Variants in RBBP8 observed in about 807,000 individuals in gnomAD.
The protein encoded by RBBP8 is DNA endonuclease RBBP8.
In RBBP8, 88 loss-of-function variants were observed where a neutral mutation model predicts 108.3. That is an observed-to-expected ratio of 0.81 (90% CI 0.68 to 0.97). RBBP8 has a LOEUF of 0.97. RBBP8 is among the 50% of genes least tolerant of loss of function. The pLI, the probability that RBBP8 is intolerant of heterozygous loss-of-function variation, is 0.00. For missense variants in RBBP8, 1,023 were observed against 1,049.0 expected, an observed-to-expected ratio of 0.98 and a Z score of 0.34; for synonymous variants, 332 against 348.2, an observed-to-expected ratio of 0.95 and a Z score of 0.52.
chr18:22,969,029 T>C, intron 5 of RBBP8, 111 bp downstream of exon 5: 1 of 812,750 alleles, frequency 1.2e-6, no homozygotes, highest in Non-Finnish European at 2.0e-6. Context: ...TTTTCCTTAT[T>C]TAGTAAAAGT....
Position 22,919,753 on chromosome 18 carries a change from T to A in RBBP8, c.-154+2727T>A, listed in dbSNP as rs990145896. 1.2e-4 allele frequency among the ~76,000 whole-genome samples: 19 copies of A among 152,198 alleles called. No individual in the cohort carries two copies. In the South Asian group the frequency reaches 1.7e-3, roughly 13 times the overall value. On this transcript the variant is annotated intron_variant, in intron 3 of 4. Transcript: ENST00000577588. The stretch of plus-strand genomic sequence containing the variant: ...TTTTAGTACAGATGGGATTTCATTA[T>A]GTTGGCCAGGCTGATCTCGAACTCC...
intron 4 of RBBP8, among the ~76,000 whole-genome samples, chr18:22,960,689 C>T (rs907991724): frequency 6.6e-6 from 1 of 152,198 alleles, no homozygotes; most frequent in Non-Finnish European, 1.5e-5. Flanking sequence ...TCTCCTGCCT[C>T]AGCCTCCCAA....
chr18:22,969,529 C>T (rs1353151959), intron 5 of RBBP8, among the ~76,000 whole-genome samples: 2 of 152,112 alleles, frequency 1.3e-5, no homozygotes, highest in Non-Finnish European at 2.9e-5. Flanking sequence ...ATCTTCTTTT[C>T]CAAACTAATT....
chr18:23,003,062 G>A (rs1013618892), intron 15 of RBBP8, among the ~76,000 whole-genome samples: 3 of 152,208 alleles, frequency 2.0e-5, no homozygotes, highest in African/African-American at 4.8e-5. Flanking sequence ...CTTTTCTGAC[G>A]ATGCTGCCTC....
At chr18:22,931,169 T>C (rs1410953913), upstream of RBBP8, among the ~76,000 whole-genome samples, 2 of 152,120 alleles carry the variant, frequency 1.3e-5, no homozygotes, top group African/African-American at 4.8e-5. Context: ...GAGGATCTAG[T>C]AGAAGAGACT....
At chr18:22,977,694 A>G (rs1342897800) in intron 6 of RBBP8, 1 of 152,144 alleles carries the variant, frequency 6.6e-6, no homozygotes, top group Non-Finnish European at 1.5e-5. Context: ...TCCCAAGCCT[A>G]TTTAAATTTA....
chr18:23,026,439 G>C lies in RBBP8; in HGVS notation c.*199G>C, dbSNP rs1327654937. ...GCTTTCATTTTGCACTCTAACTTAA[G>C]AGTTTTTACTTTATGTAGTGATACC... On this transcript the variant is annotated 3_prime_UTR_variant, in exon 19 of 19. Coordinates refer to ENST00000327155, the MANE Select transcript of RBBP8 (RefSeq NM_002894.3). The C allele has an allele frequency of 6.0e-5, 32 of 537,534 alleles. No homozygotes were observed. Among genetic ancestry groups the C allele is most frequent in the Non-Finnish European group, 1.1e-4 (32 of 295,516 alleles). The allele number at this position is 537,534 out of a possible 1,614,324, so 33.3% of individuals were successfully genotyped here.
intron 3 of RBBP8, among the ~76,000 whole-genome samples, chr18:22,918,015 C>A (rs865844948): frequency 3.5e-4 from 45 of 130,154 alleles, no homozygotes; most frequent in South Asian, 2.5e-3. Flanking sequence ...AAAAAAAAAA[C>A]ATATAATGTT....
intron 5 of RBBP8, among the ~76,000 whole-genome samples, chr18:22,972,544 G>A (rs1914189181): frequency 6.6e-6 from 1 of 151,526 alleles, no homozygotes; most frequent in Non-Finnish European, 1.5e-5. Flanking sequence ...CTCCCCAGTA[G>A]CTGGGATTAT....
At chr18:22,971,143 G>C (rs1445084174) in intron 5 of RBBP8, among the ~76,000 whole-genome samples, 1 of 23,538 alleles carries the variant, frequency 4.2e-5, no homozygotes, top group Non-Finnish European at 9.6e-5. Flanking sequence ...TGCCAGGAGA[G>C]TCTTTAAAAA....
chr18:23,005,031 G>A lies in RBBP8; in HGVS notation c.2288-1332G>A, dbSNP rs536288016. Among the ~76,000 whole-genome samples the A allele has an allele frequency of 1.4e-4, 21 of 152,070 alleles. No homozygotes were observed. The East Asian group carries it at 3.7e-3, about 27-fold the overall frequency. On this transcript the variant is annotated intron_variant, in intron 15 of 18. Coordinates refer to ENST00000327155, the MANE Select transcript of RBBP8 (RefSeq NM_002894.3). ...CAAAACATTAGCCGGGTGTGGTGGCGTGCGCCTAGTAGTCCCAGCTACTTG... is the reference window on the plus strand; with the variant it reads ...CAAAACATTAGCCGGGTGTGGTGGCATGCGCCTAGTAGTCCCAGCTACTTG...
At chr18:23,005,455 C>T (rs907991065) in intron 15 of RBBP8, among the ~76,000 whole-genome samples, 7 of 151,936 alleles carry the variant, frequency 4.6e-5, no homozygotes, top group African/African-American at 1.7e-4. Flanking sequence ...GCTCTGTTGC[C>T]AGGCTGGAGT....
At chr18:22,980,665 T>A (rs1166943905) in intron 6 of RBBP8, among the ~76,000 whole-genome samples, 1 of 151,746 alleles carries the variant, frequency 6.6e-6, no homozygotes, top group African/African-American at 2.4e-5. Context: ...TGAGCAGATG[T>A]GACAGGGTTT....
intron 9 of RBBP8, 59 bp from the exon 10 acceptor site, chr18:22,990,878 C>T (rs1915635620): frequency 1.6e-6 from 2 of 1,290,278 alleles, no homozygotes; most frequent in South Asian, 2.4e-5. Context: ...GTACTTCATC[C>T]CTTTTTAAGA....
chr18:22,977,346 T>C lies in RBBP8; in HGVS notation c.428+2127T>C, dbSNP rs531019473. On this transcript the variant is annotated intron_variant, in intron 6 of 18. Transcript: ENST00000327155. ...TTAGAAGAAAATATTATTTGACTTC[T>C]GCTTGTTAAATGCAGTAACTCTAAC... Among the ~76,000 whole-genome samples, 12 of 152,156 alleles carry C rather than the reference T, an allele frequency of 7.9e-5. No individual in the cohort carries two copies. The East Asian group carries it at 2.3e-3, about 29-fold the overall frequency.
rs778266026 is a variant in RBBP8, at chr18:22,968,818, C to T, written c.261C>T (p.Gly87=). Residue 87 remains glycine (G), a synonymous_variant, in exon 5 of 19, where the codon GGC becomes GGT. Transcript: ENST00000327155. ...TTTTGTTTCATAGGTTAAGAGCAGG[C>T]TTATGTGATCGCTGTGCAGTAACTG... ...IKVLEDRLRA[G]LCDRCAVTEE... is the part of the protein sequence containing the mutation. 2 of 1,613,020 alleles carry T rather than the reference C, an allele frequency of 1.2e-6. No homozygotes were observed. The highest frequency in any genetic ancestry group is 1.7e-6 in the Non-Finnish European group (2 of 1,179,282).
At chr18:22,976,087 A>G (rs979310197) in intron 6 of RBBP8, among the ~76,000 whole-genome samples, 4 of 152,112 alleles carry the variant, frequency 2.6e-5, no homozygotes, top group African/African-American at 9.7e-5. Context: ...CTTCAGTAAA[A>G]CTATGTAGAT....
chr18:22,998,240 A>G (rs1466273098), intron 14 of RBBP8, among the ~76,000 whole-genome samples: 1 of 152,352 alleles, frequency 6.6e-6, no homozygotes, highest in Non-Finnish European at 1.5e-5. Flanking sequence ...GAAATTTGAT[A>G]AGGAAAGAAA....
chr18:23,014,694 C>A (rs1469629370), intron 16 of RBBP8, among the ~76,000 whole-genome samples: 1 of 152,144 alleles, frequency 6.6e-6, no homozygotes, highest in Non-Finnish European at 1.5e-5. Context: ...ATTGCTTTTT[C>A]TTCCCAACGT....
Sources: gnomAD v4.1 joint callset for allele counts (sites outside exome capture counted in the v4.1 genomes callset) on GRCh38, gnomAD v4.1.1 for gene constraint, MANE v1.5 for transcripts, NCBI Gene and HGNC (gene_info 2026-07-23, HGNC 2026-07-21) for gene names.